The following GRM3 variants were observed in gnomAD, a reference collection of about 807,000 sequenced individuals.
The protein encoded by GRM3 is metabotropic glutamate receptor 3.
GRM3 carries 26 observed loss-of-function variants against 70.5 expected under a neutral mutation model. That is an observed-to-expected ratio of 0.37 (90% CI 0.27 to 0.51). The LOEUF (loss-of-function observed/expected upper bound fraction) is 0.51, where lower values mean the gene tolerates loss of function less well. GRM3 is among the 20% of genes least tolerant of loss of function. The pLI is 0.93. For missense variants in GRM3, 859 were observed against 1,123.8 expected, an observed-to-expected ratio of 0.76 and a Z score of 3.37; for synonymous variants, 443 against 434.9, an observed-to-expected ratio of 1.02 and a Z score of -0.23.
At chr7:86,774,523 G>T (rs1009188027) in intron 2 of GRM3, among the ~76,000 whole-genome samples, 3 of 152,036 alleles carry the variant, frequency 2.0e-5, no homozygotes, top group Non-Finnish European at 4.4e-5. Flanking sequence ...CAACACTTTG[G>T]CTTCACATTC....
Position 86,765,623 on chromosome 7 carries a change from G to T in GRM3, c.468+10G>T, listed in dbSNP as rs772660724. 3.1e-6 allele frequency: 5 copies of T among 1,603,794 alleles called. No individual in the cohort carries two copies. The African/African-American group carries it at 5.4e-5, about 17-fold the overall frequency. Reference sequence around the variant, plus strand: ...CAGTGTTTCCATACAGGTAAGATTGGCTAATGCTATTGCTAAAAGGCTGTA... The same window carrying T: ...CAGTGTTTCCATACAGGTAAGATTGTCTAATGCTATTGCTAAAAGGCTGTA... On this transcript the variant is annotated intron_variant, in intron 2 of 5. Coordinates refer to ENST00000361669, the MANE Select transcript of GRM3 (RefSeq NM_000840.3).
At chr7:86,709,233 T>G (rs1313064520) in intron 1 of GRM3, among the ~76,000 whole-genome samples, 3 of 152,028 alleles carry the variant, frequency 2.0e-5, no homozygotes, top group African/African-American at 7.2e-5. Flanking sequence ...ATTCCAATTC[T>G]CTGTCTTCCT....
chr7:86,706,974 C>A (rs909839585), intron 1 of GRM3, among the ~76,000 whole-genome samples: 1 of 152,010 alleles, frequency 6.6e-6, no homozygotes, highest in Non-Finnish European at 1.5e-5. Context: ...GTTATAACAT[C>A]GAACATATCT....
chr7:86,703,518 G>A (rs983598499), intron 1 of GRM3, among the ~76,000 whole-genome samples: 1 of 151,948 alleles, frequency 6.6e-6, no homozygotes, highest in Non-Finnish European at 1.5e-5. Context: ...GTGTGTTAGT[G>A]TCTAAGTAAG....
chr7:86,743,788 G>T (rs1055607238), intron 1 of GRM3, among the ~76,000 whole-genome samples: 1 of 152,138 alleles, frequency 6.6e-6, no homozygotes, highest in South Asian at 2.1e-4. Flanking sequence ...CTAGAAAAGA[G>T]TGTTCAGCCC....
At chr7:86,790,453 CT>C (rs1031177135) in intron 3 of GRM3, among the ~76,000 whole-genome samples, 3 of 152,130 alleles carry the variant, frequency 2.0e-5, no homozygotes, top group Non-Finnish European at 4.4e-5. Flanking sequence ...TTATTCTTAC[CT>C]ACTTCAACCT....
intron 3 of GRM3, among the ~76,000 whole-genome samples, chr7:86,789,401 C>T (rs1417661940): frequency 6.6e-6 from 1 of 152,148 alleles, no homozygotes; most frequent in Non-Finnish European, 1.5e-5. Context: ...TTTTAGCTTA[C>T]AGTAACCTGT....
At chr7:86,728,196 C>T (rs146056730) in intron 1 of GRM3, among the ~76,000 whole-genome samples, 27 of 152,236 alleles carry the variant, frequency 1.8e-4, no homozygotes, top group African/African-American at 6.3e-4. Context: ...ACAACAGATG[C>T]TGTAAAATAG....
chr7:86,825,876 C>G (rs1486689430), intron 3 of GRM3, among the ~76,000 whole-genome samples: 1 of 152,194 alleles, frequency 6.6e-6, no homozygotes, highest in Non-Finnish European at 1.5e-5. Flanking sequence ...GAGAGCATCT[C>G]TGAATGGGAT....
intron 2 of GRM3, chr7:86,775,172 C>T (rs1211177279): frequency 6.6e-6 from 1 of 152,060 alleles, no homozygotes; most frequent in East Asian, 1.9e-4. Flanking sequence ...TTCTAAGATG[C>T]TTCTAGGAAT....
At chr7:86,711,029 G>T (rs556871545) in intron 1 of GRM3, among the ~76,000 whole-genome samples, 51 of 151,970 alleles carry the variant, frequency 3.4e-4, no homozygotes, top group African/African-American at 1.2e-3. Flanking sequence ...TTGTAATCCT[G>T]GCTCTACCAT....
In GRM3 at chr7:86,706,899, T is replaced by C. The variant is rs547520584; in HGVS notation, c.-140-58107T>C. 2.0e-5 allele frequency among the ~76,000 whole-genome samples: 3 copies of C among 152,266 alleles called. No individual in the cohort carries two copies. The East Asian group carries it at 5.8e-4, about 29-fold the overall frequency. ...GTATTTCCTTACAGGGATTTGTCCA[T>C]ATGGCTGAATATTTTTTCCTAGAAG... On this transcript the variant is annotated intron_variant, in intron 1 of 5. Coordinates refer to ENST00000361669, the MANE Select transcript of GRM3 (RefSeq NM_000840.3).
In GRM3 at chr7:86,645,797, C is replaced by A. The variant is rs76447158; in HGVS notation, c.-141+925C>A. 9.1e-3 allele frequency among the ~76,000 whole-genome samples: 1,376 copies of A among 152,004 alleles called. 15 individuals are homozygous for A. Among genetic ancestry groups the A allele is most frequent in the African/African-American group, 0.032 (1,313 of 41,438 alleles). ...AACTAATTTGCTTATAAAAATATTT[C>A]TACTATTTGAATAGTAATAGATATG... On this transcript the variant is annotated intron_variant, in intron 1 of 5. Transcript: ENST00000361669.
At chr7:86,701,756 G>A (rs1794950835) in intron 1 of GRM3, among the ~76,000 whole-genome samples, 1 of 151,898 alleles carries the variant, frequency 6.6e-6, no homozygotes, top group African/African-American at 2.4e-5. Flanking sequence ...TCTAAGAGTG[G>A]CTTTTTTGAG....
At chr7:86,801,974 G>T (rs944007979) in intron 3 of GRM3, among the ~76,000 whole-genome samples, 3 of 151,962 alleles carry the variant, frequency 2.0e-5, no homozygotes, top group Admixed American at 2.0e-4. Flanking sequence ...TGTGATCCTT[G>T]GTCTATCATT....
chr7:86,661,251 T>G (rs868316789), intron 1 of GRM3, among the ~76,000 whole-genome samples: 3 of 152,124 alleles, frequency 2.0e-5, no homozygotes, highest in Non-Finnish European at 4.4e-5. Flanking sequence ...TATGATGCAA[T>G]GTATGACACA....
In GRM3 at chr7:86,700,347, C is replaced by T. The variant is rs968395391; in HGVS notation, c.-141+55475C>T. Among the ~76,000 whole-genome samples the T allele has an allele frequency of 2.6e-5, 4 of 151,918 alleles. No homozygotes were observed. The East Asian group carries it at 7.7e-4, about 29-fold the overall frequency. On this transcript the variant is annotated intron_variant, in intron 1 of 5. Transcript: ENST00000361669. ...CATTAAAAGGCAGTTTTCCAACACT[C>T]TCTGAAAGCCCTTTGGTTTCTGTTA...
At chr7:86,775,168 G>T (rs1259279180) in intron 2 of GRM3, 1 of 151,970 alleles carries the variant, frequency 6.6e-6, no homozygotes, top group Admixed American at 6.6e-5. Flanking sequence ...TCTTTTCTAA[G>T]ATGCTTCTAG....
intron 4 of GRM3, among the ~76,000 whole-genome samples, chr7:86,842,556 G>A (rs998245005): frequency 1.3e-5 from 2 of 152,116 alleles, no homozygotes; most frequent in Non-Finnish European, 2.9e-5. Flanking sequence ...TCCAGAACAA[G>A]ACTGAGATTT....
Sources: gnomAD v4.1 joint callset for allele counts (sites outside exome capture counted in the v4.1 genomes callset) on GRCh38, gnomAD v4.1.1 for gene constraint, MANE v1.5 for transcripts, NCBI Gene and HGNC (gene_info 2026-07-23, HGNC 2026-07-21) for gene names.